Variants in SNX29 observed in about 807,000 individuals in gnomAD.
The protein encoded by SNX29 is sorting nexin-29.
A neutral mutation model predicts 102.1 loss-of-function variants in SNX29; 78 were observed. That is an observed-to-expected ratio of 0.76 (90% CI 0.64 to 0.92). The LOEUF (loss-of-function observed/expected upper bound fraction) is 0.92. SNX29 is among the 40% of genes least tolerant of loss of function. SNX29 has a pLI of 0.00. For synonymous variants in SNX29, 580 were observed against 414.5 expected, an observed-to-expected ratio of 1.40 and a Z score of -4.85; for missense variants, 1,280 against 1,061.7, an observed-to-expected ratio of 1.21 and a Z score of -2.86.
intron 15 of SNX29, among the ~76,000 whole-genome samples, chr16:12,318,295 G>A (rs973285663): frequency 6.6e-6 from 1 of 152,226 alleles, no homozygotes; most frequent in Non-Finnish European, 1.5e-5. Flanking sequence ...GATCAGGCTG[G>A]TTTTTCTGCC....
rs772980647 is a variant in SNX29 at position 11,999,370 on chromosome 16, G to A, written c.69+12G>A. 1.2e-6 allele frequency: 2 copies of A among 1,613,796 alleles called. No homozygotes were observed. The highest frequency in any genetic ancestry group is 1.7e-6 in the Non-Finnish European group (2 of 1,179,820). On this transcript the variant is annotated intron_variant, in intron 2 of 20. Transcript: ENST00000566228. Reference sequence around the variant, plus strand: ...ATGCAGTGAAACAGGTAAGCAGAAAGCACACATTTGCCTTTTTGGTCGAGT... The same window carrying A: ...ATGCAGTGAAACAGGTAAGCAGAAAACACACATTTGCCTTTTTGGTCGAGT...
intron 20 of SNX29, among the ~76,000 whole-genome samples, chr16:12,525,470 C>A (rs1010871896): frequency 7.2e-5 from 11 of 151,998 alleles, no homozygotes; most frequent in Non-Finnish European, 1.6e-4. Flanking sequence ...GTCGGGAGTT[C>A]GAGACCAGCA....
chr16:12,282,049 A>C (rs1482543558), intron 15 of SNX29, among the ~76,000 whole-genome samples: 2 of 131,502 alleles, frequency 1.5e-5, no homozygotes, highest in Non-Finnish European at 3.1e-5. Flanking sequence ...ATGGCTCTGC[A>C]CTCCAACCTG....
At chr16:12,150,468 C>A (rs142628397) in intron 13 of SNX29, among the ~76,000 whole-genome samples, 5 of 152,308 alleles carry the variant, frequency 3.3e-5, no homozygotes, top group African/African-American at 1.2e-4. Flanking sequence ...CAGACCTAAC[C>A]CAGGCCTTCA....
intron 11 of SNX29, among the ~76,000 whole-genome samples, chr16:12,113,768 C>A (rs1221769726): frequency 6.6e-5 from 10 of 152,228 alleles, no homozygotes; most frequent in Admixed American, 6.5e-4. Context: ...GGGGTCATAT[C>A]TCTGCTGGTT....
intron 14 of SNX29, among the ~76,000 whole-genome samples, chr16:12,269,605 C>T (rs538443266): frequency 2.0e-4 from 31 of 152,186 alleles, no homozygotes; most frequent in African/African-American, 5.3e-4. Flanking sequence ...ACTTTTCATG[C>T]GGTCCTTGAC....
chr16:12,500,459 C>G (rs139605316), intron 19 of SNX29, among the ~76,000 whole-genome samples: 2 of 152,308 alleles, frequency 1.3e-5, no homozygotes, highest in African/African-American at 4.8e-5. Context: ...GTCCGCCTCT[C>G]TGTAACCTCC....
At chr16:12,560,060 A>G (rs899256358) in intron 20 of SNX29, among the ~76,000 whole-genome samples, 3 of 152,092 alleles carry the variant, frequency 2.0e-5, no homozygotes, top group African/African-American at 7.2e-5. Context: ...TGACTAGAAA[A>G]CTATGTAACT....
intron 15 of SNX29, among the ~76,000 whole-genome samples, chr16:12,327,815 T>A (rs1312674791): frequency 6.6e-6 from 1 of 152,108 alleles, no homozygotes; most frequent in Non-Finnish European, 1.5e-5. Flanking sequence ...GGTCCCCTGT[T>A]GAGGTCACTC....
At chr16:12,082,789 G>T (rs1007125450) in intron 11 of SNX29, among the ~76,000 whole-genome samples, 2 of 152,150 alleles carry the variant, frequency 1.3e-5, no homozygotes, top group Non-Finnish European at 2.9e-5. Flanking sequence ...TTCAAGGACA[G>T]TGCTGTTGTC....
intron 20 of SNX29, among the ~76,000 whole-genome samples, chr16:12,533,946 C>G (rs2076999801): frequency 6.6e-6 from 1 of 152,250 alleles, no homozygotes. Context: ...TGGTTGGAAA[C>G]TCCTTTGTTT....
chr16:12,303,607 G>T (rs1030219960), intron 15 of SNX29, among the ~76,000 whole-genome samples: 2 of 152,218 alleles, frequency 1.3e-5, no homozygotes, highest in South Asian at 2.1e-4. Flanking sequence ...AAAAATTAGG[G>T]TTGTGATCAT....
In SNX29 at chr16:12,107,029, G is replaced by C. The variant is rs372810693; in HGVS notation, c.1403-19604G>C. 9.9e-5 allele frequency among the ~76,000 whole-genome samples: 15 copies of C among 152,260 alleles called. No individual in the cohort carries two copies. In the East Asian group the frequency reaches 1.5e-3, roughly 16 times the overall value. ...GATGAGGTCTCACTGTGTTGCCCAG[G>C]CTGGTCTTGAACTCCTGGGCTAAAG... On this transcript the variant is annotated intron_variant, in intron 11 of 20. Transcript: ENST00000566228.
At chr16:12,137,490 C>T (rs34565142) in intron 13 of SNX29, among the ~76,000 whole-genome samples, 32,156 of 152,074 alleles carry the variant, frequency 0.21, 3,708 homozygotes, top group Admixed American at 0.31. Flanking sequence ...GTGAGAACTT[C>T]CTTGACAGTG....
chr16:12,529,600 G>A (rs2076878004), intron 20 of SNX29, among the ~76,000 whole-genome samples: 1 of 152,166 alleles, frequency 6.6e-6, no homozygotes, highest in Non-Finnish European at 1.5e-5. Flanking sequence ...GCTGGAAGGT[G>A]GCAGAGTAAT....
chr16:12,558,879 G>A (rs558562114), intron 20 of SNX29, among the ~76,000 whole-genome samples: 2 of 152,338 alleles, frequency 1.3e-5, no homozygotes, highest in African/African-American at 2.4e-5. Flanking sequence ...TGCAGAAAAT[G>A]TGCCTGAGTT....
At chr16:12,263,939 C>T (rs572667852) in intron 14 of SNX29, among the ~76,000 whole-genome samples, 4 of 152,170 alleles carry the variant, frequency 2.6e-5, no homozygotes, top group African/African-American at 7.2e-5. Flanking sequence ...AGGTCATGAT[C>T]TGATGTTCTA....
intron 19 of SNX29, among the ~76,000 whole-genome samples, chr16:12,490,591 G>A (rs911217483): frequency 6.6e-6 from 1 of 152,200 alleles, no homozygotes; most frequent in Non-Finnish European, 1.5e-5. Flanking sequence ...TGGTCACAGG[G>A]TATGTTTATA....
chr16:12,566,825 C>G (rs955692263), intron 20 of SNX29, among the ~76,000 whole-genome samples: 2 of 152,228 alleles, frequency 1.3e-5, no homozygotes, highest in Non-Finnish European at 2.9e-5. Flanking sequence ...GCAGCTCCGG[C>G]TTTGTTCAAG....
Sources: gnomAD v4.1 joint callset for allele counts (sites outside exome capture counted in the v4.1 genomes callset) on GRCh38, gnomAD v4.1.1 for gene constraint, MANE v1.5 for transcripts, NCBI Gene and HGNC (gene_info 2026-07-23, HGNC 2026-07-21) for gene names.